Variants in WDR64 observed in about 807,000 individuals in gnomAD.
WDR64 encodes WD repeat domain 64, also known as WD repeat-containing protein 64.
WDR64 carries 112 observed loss-of-function variants against 139.3 expected under a neutral mutation model. The observed-to-expected ratio is 0.80, with a 90% CI of 0.69 to 0.94. The LOEUF (loss-of-function observed/expected upper bound fraction) is 0.94, where lower values mean the gene tolerates loss of function less well. Among genes scored for constraint, WDR64 ranks in the 40% least tolerant of loss-of-function variants. The pLI is 0.00. For synonymous variants in WDR64, 444 were observed against 437.7 expected (o/e 1.01, Z -0.18); for missense variants, 1,206 against 1,293.1 (o/e 0.93, Z 1.03).
intron 20 of WDR64, among the ~76,000 whole-genome samples, chr1:241,773,824 T>C (rs887537917): frequency 1.3e-5 from 2 of 152,168 alleles, no homozygotes; most frequent in African/African-American, 4.8e-5. Flanking sequence ...TCTTTTAAAT[T>C]GAGCTACAAA....
At chr1:241,757,258 T>A in intron 14 of WDR64, 25 bp from the exon 15 acceptor site, 2 of 1,599,674 alleles carry the variant, frequency 1.3e-6, no homozygotes, top group South Asian at 1.1e-5. Flanking sequence ...GAACTTTTCA[T>A]GCACTCACTG....
Position 241,723,314 on chromosome 1 carries a change from C to G in WDR64, c.1072C>G (p.Arg358Gly). 1 of 1,613,782 alleles carries G rather than the reference C, an allele frequency of 6.2e-7. No homozygotes were observed. The highest frequency in any genetic ancestry group is 8.5e-7 in the Non-Finnish European group (1 of 1,179,832). Residue 358 changes from arginine to glycine, a missense_variant, in exon 10 of 28, where the codon CGG (arginine) becomes GGG (glycine). Arg to Gly is a moderately radical substitution (Grantham distance 125). Transcript: ENST00000437684. ...IVTGGDDKVI[R>G]LWHPNISTKP... ...CTTTTCAGGAGATGATAAGGTCATC[C>G]GGTTGTGGCACCCCAATATCAGCAC...
chr1:241,745,595 G>T (rs1412035138), intron 13 of WDR64, among the ~76,000 whole-genome samples: 1 of 145,562 alleles, frequency 6.9e-6, no homozygotes, highest in Non-Finnish European at 1.5e-5. Flanking sequence ...CTCCTCAAAG[G>T]TACATACGTT....
At chr1:241,670,000 C>T (rs557278108) in intron 2 of WDR64, among the ~76,000 whole-genome samples, 10 of 152,190 alleles carry the variant, frequency 6.6e-5, no homozygotes, top group South Asian at 2.1e-4. Flanking sequence ...CAGTTCATTT[C>T]GTGCATTCAA....
chr1:241,671,323 C>A, intron 3 of WDR64, 147 bp downstream of exon 3: 1 of 603,592 alleles, frequency 1.7e-6, no homozygotes, highest in South Asian at 2.3e-5. Context: ...GTGAGAGTTT[C>A]ATATGCAGTA....
intron 2 of WDR64, among the ~76,000 whole-genome samples, chr1:241,663,255 C>A (rs1665899825): frequency 6.6e-6 from 1 of 152,242 alleles, no homozygotes; most frequent in Non-Finnish European, 1.5e-5. Context: ...TAATCTCAGG[C>A]TCCTTGCTGT....
chr1:241,725,796 T>C (rs1287098299), intron 10 of WDR64, among the ~76,000 whole-genome samples: 2 of 151,482 alleles, frequency 1.3e-5, no homozygotes, highest in Non-Finnish European at 2.9e-5. Flanking sequence ...TACACAAGAC[T>C]CCAAAGATTC....
intron 2 of WDR64, among the ~76,000 whole-genome samples, chr1:241,666,819 C>A (rs1337907278): frequency 6.6e-6 from 1 of 152,160 alleles, no homozygotes; most frequent in Non-Finnish European, 1.5e-5. Flanking sequence ...TACAACAGAG[C>A]ATAACATGGG....
chr1:241,797,087 G>A (rs1659390308), intron 27 of WDR64, among the ~76,000 whole-genome samples: 1 of 152,092 alleles, frequency 6.6e-6, no homozygotes, highest in Non-Finnish European at 1.5e-5. Flanking sequence ...TTTTTCTACA[G>A]TATTAATAAA....
intron 27 of WDR64, among the ~76,000 whole-genome samples, chr1:241,797,451 AT>A (rs1408029769): frequency 6.6e-6 from 1 of 152,190 alleles, no homozygotes; most frequent in African/African-American, 2.4e-5. Flanking sequence ...GCACATGGTA[AT>A]TTTTTATAAG....
rs1371507164 is a variant in WDR64 at position 241,703,009 on chromosome 1, A to G, written c.975-8793A>G. On this transcript the variant is annotated intron_variant, in intron 8 of 27. Coordinates refer to ENST00000437684, the MANE Select transcript of WDR64 (RefSeq NM_001367482.1). The surrounding 1 kb of genome is among the most constrained non-coding windows in gnomAD (Gnocchi z 5.9). Reference sequence around the variant, plus strand: ...CTTGCCCCTTGGGAATGGGCACAATATGGATCAATAAGAGGCAGTAATACA... The same window carrying G: ...CTTGCCCCTTGGGAATGGGCACAATGTGGATCAATAAGAGGCAGTAATACA... Among the ~76,000 whole-genome samples, 1 of 152,192 alleles carries G rather than the reference A, an allele frequency of 6.6e-6. No homozygotes were observed. The highest frequency in any genetic ancestry group is 6.5e-5 in the Admixed American group (1 of 15,274).
chr1:241,783,729 T>C (rs1386187463), intron 23 of WDR64, among the ~76,000 whole-genome samples: 1 of 152,132 alleles, frequency 6.6e-6, no homozygotes, highest in Non-Finnish European at 1.5e-5. Context: ...TCAGAAGTCA[T>C]AGAAAAGTAA....
At position 241,680,696 on chromosome 1, in the gene WDR64, C is replaced by T. The variant is rs143404273; in HGVS notation, c.624+1101C>T. Among the ~76,000 whole-genome samples, 619 of 152,252 alleles carry T rather than the reference C, an allele frequency of 4.1e-3. 4 individuals carry two copies. The highest frequency in any genetic ancestry group is 0.014 in the African/African-American group (578 of 41,540). The stretch of plus-strand genomic sequence containing the variant: ...TTTGTCCTTCAACCTGGAGGGATGC[C>T]CTAGCCCTTCTCTGCTCCTTCACAG... On this transcript the variant is annotated intron_variant, in intron 6 of 27. Coordinates refer to ENST00000437684, the MANE Select transcript of WDR64 (RefSeq NM_001367482.1).
At chr1:241,655,712 T>TTTTA (rs1665567855) in intron 1 of WDR64, among the ~76,000 whole-genome samples, 1 of 151,942 alleles carries the variant, frequency 6.6e-6, no homozygotes, top group Admixed American at 6.6e-5. Context: ...TTTCTTTTTT[T>TTTTA]TTTTTTGATG....
Position 241,766,108 on chromosome 1 carries a change from A to C in WDR64, c.1948-110A>C. 4.0e-6 allele frequency: 4 copies of C among 1,002,900 alleles called. No homozygotes were observed. The South Asian group carries it at 1.1e-4, about 27-fold the overall frequency. 62.1% of individuals were successfully genotyped at this position (1,002,900 alleles called of 1,614,324 possible). ...ATGCTCTGATATTAAAAATATATAT[A>C]ATAAGGCATTTTGTTTTAAGTTGAT... On this transcript the variant is annotated intron_variant, in intron 15 of 27. Transcript: ENST00000437684.
intron 7 of WDR64, among the ~76,000 whole-genome samples, chr1:241,684,289 C>T (rs183100743): frequency 3.3e-5 from 5 of 152,176 alleles, no homozygotes; most frequent in Non-Finnish European, 7.4e-5. Context: ...GAAAAATGAG[C>T]AAAGGTCATG....
At chr1:241,709,906 A>G (rs1668094807) in intron 8 of WDR64, among the ~76,000 whole-genome samples, 2 of 152,156 alleles carry the variant, frequency 1.3e-5, no homozygotes, top group South Asian at 4.1e-4. Flanking sequence ...CAGAAATTAA[A>G]TAAGTGCTAA....
At chr1:241,654,424 T>C (rs1194251967) in intron 1 of WDR64, among the ~76,000 whole-genome samples, 11 of 152,250 alleles carry the variant, frequency 7.2e-5, no homozygotes, top group Non-Finnish European at 1.6e-4. Flanking sequence ...GCTAATATAG[T>C]TGCCAAATTC....
Position 241,787,941 on chromosome 1 carries a change from G to A in WDR64, c.2798G>A (p.Cys933Tyr). 1 of 1,612,160 alleles carries A rather than the reference G, an allele frequency of 6.2e-7. No individual in the cohort carries two copies. The highest frequency in any genetic ancestry group is 1.1e-5 in the South Asian group (1 of 90,588). ...CAGACAAGAGATTTCATTTTGCCTT[G>A]TGATGTTACTGAATATCCCATAGAA... ...LSQTRDFILP[C>Y]DVTEYPIEIK... Residue 933 changes from cysteine (C) to tyrosine (Y), a missense_variant, in exon 24 of 28, where the codon TGT becomes TAT. By Grantham distance (194) the Cys-to-Tyr change is radical. Transcript: ENST00000437684.
Sources: allele counts gnomAD v4.1 joint callset (sites outside exome capture counted in the v4.1 genomes callset), GRCh38; gene constraint gnomAD v4.1.1; non-coding constraint Gnocchi (gnomAD v3.1); transcripts MANE v1.5; gene names NCBI Gene and HGNC (gene_info 2026-07-23, HGNC 2026-07-21).